TOR1AIP1: variants seen among roughly 807,000 people sequenced by gnomAD.
TOR1AIP1 encodes the protein torsin 1A interacting protein 1.
Under a neutral mutation model 63.3 loss-of-function variants are expected in TOR1AIP1, and 54 were observed. The observed-to-expected ratio is 0.85, with a 90% CI of 0.69 to 1.07. The LOEUF (loss-of-function observed/expected upper bound fraction) is 1.07, where lower values mean the gene tolerates loss of function less well. TOR1AIP1 is among the 50% of genes least tolerant of loss of function. The pLI is 0.00. For synonymous variants in TOR1AIP1, 294 were observed against 273.5 expected, an observed-to-expected ratio of 1.07 and a Z score of -0.74; for missense variants, 736 against 715.0, an observed-to-expected ratio of 1.03 and a Z score of -0.33.
chr1:179,892,930 AT>A (rs1648144821), intron 3 of TOR1AIP1, among the ~76,000 whole-genome samples: 1 of 152,022 alleles, frequency 6.6e-6, no homozygotes. Context: ...TTTTAAAGTA[AT>A]TTTCTGTGGG....
rs898533169 is a variant in TOR1AIP1, at chr1:179,917,549, C to T, written c.1062C>T (p.Phe354=). Residue 354 remains phenylalanine (F), a synonymous_variant, in exon 10 of 10, where the codon TTC becomes TTT. Coordinates refer to ENST00000606911, the MANE Select transcript of TOR1AIP1 (RefSeq NM_015602.4). ...IAALASGSFW[F]FSTPEVETTA... is the part of the protein sequence containing the mutation. ...CTCTTGCCTCTGGGAGTTTTTGGTT[C>T]TTTAGTACTCCTGAGGTAGAAACCA... is the stretch of plus-strand genomic sequence containing the variant. The T allele has an allele frequency of 1.2e-6, 2 of 1,613,934 alleles. No individual in the cohort carries two copies. Among genetic ancestry groups the T allele is most frequent in the Admixed American group, 1.7e-5 (1 of 59,984 alleles).
At chr1:179,899,062 A>G (rs964291859) in intron 3 of TOR1AIP1, among the ~76,000 whole-genome samples, 1 of 152,210 alleles carries the variant, frequency 6.6e-6, no homozygotes, top group African/African-American at 2.4e-5. Flanking sequence ...AATTCACCGT[A>G]TAATGTGTTA....
intron 3 of TOR1AIP1, among the ~76,000 whole-genome samples, chr1:179,890,026 TC>T (rs1648020967): frequency 6.6e-6 from 1 of 152,192 alleles, no homozygotes; most frequent in African/African-American, 2.4e-5. Flanking sequence ...ATAAAAAGCT[TC>T]CTTTTTTAAA....
At chr1:179,914,117 A>G in intron 9 of TOR1AIP1, 63 bp downstream of exon 9, 1 of 1,482,444 alleles carries the variant, frequency 6.7e-7, no homozygotes, top group Non-Finnish European at 9.3e-7. Flanking sequence ...ATAATTGTTT[A>G]AAAATGTTTT....
chr1:179,911,345 G>A (rs766958664), intron 8 of TOR1AIP1, among the ~76,000 whole-genome samples: 4 of 152,030 alleles, frequency 2.6e-5, no homozygotes, highest in Non-Finnish European at 5.9e-5. Flanking sequence ...GCCCGCTTTG[G>A]TGAGGAAAAA....
chr1:179,901,286 G>A lies in TOR1AIP1; in HGVS notation c.653-16G>A, dbSNP rs757712687. 3 of 1,578,624 alleles carry A rather than the reference G, an allele frequency of 1.9e-6. No homozygotes were observed. Among genetic ancestry groups the A allele is most frequent in the Admixed American group, 1.7e-5 (1 of 58,338 alleles). Reference sequence around the variant, plus strand: ...TTAAAATAGACTATATTAGTATATTGTTTACTTCTCTTTAGGAGAAACTGA... The same window carrying A: ...TTAAAATAGACTATATTAGTATATTATTTACTTCTCTTTAGGAGAAACTGA... On this transcript the variant is annotated splice_polypyrimidine_tract_variant and intron_variant, in intron 4 of 9. Transcript: ENST00000606911.
rs1035994124 is a variant in TOR1AIP1 at position 179,895,918 on chromosome 1, CA to C, written c.611-4197del. On this transcript the variant is annotated intron_variant, in intron 3 of 9. Transcript: ENST00000606911. ...TGGGTGACAGAGTGAGACTCTGTCT[CA>C]AAAAAAAAAACAAAAACAAAAAACA... 9.9e-3 allele frequency among the ~76,000 whole-genome samples: 1,260 copies of C among 127,050 alleles called. 18 individuals are homozygous for C. The highest frequency in any genetic ancestry group is 0.035 in the African/African-American group (1,215 of 34,444). The allele number at this position is 127,050 out of a possible 152,430, so 83.3% of individuals were successfully genotyped here. A position where few individuals can be genotyped will look rare whatever the true frequency, so the allele number is the denominator to read the frequency against.
At chr1:179,907,655 T>TTA (rs1553243784) in intron 6 of TOR1AIP1, among the ~76,000 whole-genome samples, 168 bp from the exon 7 acceptor site, 12 of 138,792 alleles carry the variant, frequency 8.6e-5, no homozygotes, top group Non-Finnish European at 1.4e-4. Flanking sequence ...TGTATGTTTT[T>TTA]TATATATATA....
chr1:179,894,416 G>C (rs1211125585), intron 3 of TOR1AIP1, among the ~76,000 whole-genome samples: 1 of 152,132 alleles, frequency 6.6e-6, no homozygotes, highest in African/African-American at 2.4e-5. Context: ...GCTGGGCCTG[G>C]TGGCTCATGC....
intron 3 of TOR1AIP1, among the ~76,000 whole-genome samples, chr1:179,894,686 CA>C (rs1248652755): frequency 2.9e-4 from 42 of 143,088 alleles, no homozygotes; most frequent in Admixed American, 2.8e-4. Context: ...GACTCCATCT[CA>C]AAAAAAAAAA....
At chr1:179,906,776 C>T (rs1435328494) in intron 6 of TOR1AIP1, among the ~76,000 whole-genome samples, 6 of 122,998 alleles carry the variant, frequency 4.9e-5, no homozygotes, top group Admixed American at 1.9e-4. Flanking sequence ...CTCGCTCTGT[C>T]GCCCAGGCAG....
At chr1:179,900,057 T>C (rs1648401769) in intron 3 of TOR1AIP1, 69 bp from the exon 4 acceptor site, 2 of 1,233,256 alleles carry the variant, frequency 1.6e-6, no homozygotes, top group Middle Eastern at 2.8e-4. Flanking sequence ...TCCTAAGCTT[T>C]TGTTTATTCC....
At chr1:179,895,807 G>A (rs1648247909) in intron 3 of TOR1AIP1, among the ~76,000 whole-genome samples, 1 of 151,710 alleles carries the variant, frequency 6.6e-6, no homozygotes, top group Non-Finnish European at 1.5e-5. Flanking sequence ...AACTGAGGCA[G>A]GAGAATCACT....
intron 1 of TOR1AIP1, among the ~76,000 whole-genome samples, 158 bp from the exon 2 acceptor site, chr1:179,884,534 G>C (rs1197231960): frequency 6.6e-6 from 1 of 152,028 alleles, no homozygotes; most frequent in East Asian, 1.9e-4. Context: ...GTTCTGACTG[G>C]TATATTTCCT....
intron 3 of TOR1AIP1, among the ~76,000 whole-genome samples, chr1:179,894,429 G>A (rs760908204): frequency 2.0e-5 from 3 of 152,152 alleles, no homozygotes; most frequent in Admixed American, 6.5e-5. Context: ...GCTCATGCCT[G>A]TAATCCCAGC....
intron 8 of TOR1AIP1, 47 bp downstream of exon 8, chr1:179,908,720 A>G (rs765975492): frequency 1.9e-5 from 29 of 1,523,372 alleles, no homozygotes; most frequent in South Asian, 1.2e-4. Context: ...TGTATTTGCT[A>G]TGTTTTTCTT....
Position 179,891,201 on chromosome 1 carries a change from A to AAT in TOR1AIP1, c.610+1832_610+1833insAT, listed in dbSNP as rs546294532. On this transcript the variant is annotated intron_variant, in intron 3 of 9. Coordinates refer to ENST00000606911, the MANE Select transcript of TOR1AIP1 (RefSeq NM_015602.4). ...AAAGGAGATAACAACTTACCAATTA[A>AAT]GGTTTTTCTCTTGATTTATTTTTTG... Among the ~76,000 whole-genome samples the AAT allele has an allele frequency of 5.3e-3, 799 of 152,030 alleles. 9 individuals carry two copies. The highest frequency in any genetic ancestry group is 0.021 in the South Asian group (101 of 4,816).
At chr1:179,901,442 C>A in intron 5 of TOR1AIP1, 54 bp downstream of exon 5, 1 of 1,140,176 alleles carries the variant, frequency 8.8e-7, no homozygotes, top group South Asian at 2.2e-5. Context: ...CTTTGGTATT[C>A]CATGAATTTG....
At chr1:179,913,640 G>A (rs1223303108) in intron 8 of TOR1AIP1, 2 of 702,206 alleles carry the variant, frequency 2.8e-6, no homozygotes, top group South Asian at 3.0e-5. Flanking sequence ...GGTATAATAT[G>A]TTTCATTTTA....
Sources: allele counts gnomAD v4.1 joint callset (sites outside exome capture counted in the v4.1 genomes callset), GRCh38; gene constraint gnomAD v4.1.1; transcripts MANE v1.5; gene names NCBI Gene and HGNC (gene_info 2026-07-23, HGNC 2026-07-21).